Variants in GALNT15 observed in about 807,000 individuals in gnomAD.
GALNT15 encodes polypeptide N-acetylgalactosaminyltransferase 15, also known as UDP-GalNAc transferase T15.
A neutral mutation model predicts 66.8 loss-of-function variants in GALNT15; 67 were observed. That is an observed-to-expected ratio of 1.00 (90% confidence interval 0.82 to 1.23). The LOEUF (loss-of-function observed/expected upper bound fraction) is 1.23. Ranked by LOEUF, GALNT15 falls within the 50% of genes most tolerant of loss-of-function variation. The pLI is 0.00. For synonymous variants in GALNT15, 313 were observed against 311.5 expected (o/e 1.00, Z -0.05); for missense variants, 827 against 804.3 (o/e 1.03, Z -0.34).
Position 16,180,387 on chromosome 3 carries a change from T to A in GALNT15, c.539+4697T>A, listed in dbSNP as rs1224162904. Among the ~76,000 whole-genome samples the A allele has an allele frequency of 6.6e-6, 1 of 152,158 alleles. No homozygotes were observed. The highest frequency in any genetic ancestry group is 6.5e-5 in the Admixed American group (1 of 15,276). ...AGGTCAGGAGGGCAGCCTCAGATGC[T>A]CCATTTCTATCAAAGGCACTCCAAG... is the stretch of plus-strand genomic sequence containing the variant. On this transcript the variant is annotated intron_variant, in intron 1 of 9. Coordinates refer to ENST00000339732, the MANE Select transcript of GALNT15 (RefSeq NM_054110.5). This position sits in a 1 kb window ranked among gnomAD's most constrained non-coding sequence, Gnocchi z 5.0.
Position 16,211,105 on chromosome 3 carries a change from G to A in GALNT15, c.1080-19G>A, listed in dbSNP as rs767383661. The stretch of plus-strand genomic sequence containing the variant: ...TCTGGGTTCTGAACTGCAGTGTCCT[G>A]CCTGTCTTCTGTGTCCAGGAGCCCT... On this transcript the variant is annotated intron_variant, in intron 4 of 9. Transcript: ENST00000339732. This position sits in a 1 kb window ranked among gnomAD's most constrained non-coding sequence, Gnocchi z 4.3. 1 of 1,582,368 alleles carries A rather than the reference G, an allele frequency of 6.3e-7. No individual in the cohort carries two copies. The highest frequency in any genetic ancestry group is 8.7e-7 in the Non-Finnish European group (1 of 1,151,658).
chr3:16,241,635 G>A, the GALNT15 span, among the ~76,000 whole-genome samples: 1 of 151,964 alleles, frequency 6.6e-6, no homozygotes, highest in Non-Finnish European at 1.5e-5. This position sits in a 1 kb window ranked among gnomAD's most constrained non-coding sequence, Gnocchi z 4.6. Context: ...TGCAACCTCT[G>A]CCTCCTGGGT....
chr3:16,191,476 C>A lies in GALNT15; in HGVS notation c.540-4284C>A. ...CCTACGGCTACCTTTCTGAGGAAAC[C>A]AAGGCACCCAGAAGCTAAGCAACTT... is the stretch of plus-strand genomic sequence containing the variant. On this transcript the variant is annotated intron_variant, in intron 1 of 9. Coordinates refer to ENST00000339732, the MANE Select transcript of GALNT15 (RefSeq NM_054110.5). This position sits in a 1 kb window ranked among gnomAD's most constrained non-coding sequence, Gnocchi z 5.2. 3.2e-6 allele frequency: 1 copy of A among 312,972 alleles called. No individual in the cohort carries two copies. Among genetic ancestry groups the A allele is most frequent in the Non-Finnish European group, 4.6e-6 (1 of 215,076 alleles). The allele number at this position is 312,972 out of a possible 1,614,324, so 19.4% of individuals were successfully genotyped here.
At chr3:16,246,239 C>T in the GALNT15 span, among the ~76,000 whole-genome samples, 2 of 152,126 alleles carry the variant, frequency 1.3e-5, no homozygotes, top group African/African-American at 2.4e-5. Flanking sequence ...CACACTGGCC[C>T]ACAGCCCAGG....
At chr3:16,205,203 A>G (rs555225447) in intron 3 of GALNT15, among the ~76,000 whole-genome samples, 2 of 152,336 alleles carry the variant, frequency 1.3e-5, no homozygotes, top group African/African-American at 2.4e-5. Flanking sequence ...TGCTTCTAGT[A>G]TAAGAGACTT....
chr3:16,190,970 T>C (rs903709987), intron 1 of GALNT15, among the ~76,000 whole-genome samples: 3 of 152,240 alleles, frequency 2.0e-5, no homozygotes, highest in African/African-American at 7.2e-5. Flanking sequence ...GGATTCTTTC[T>C]GAGCTGATGC....
At chr3:16,234,335 C>G (rs960205321), downstream of GALNT15, among the ~76,000 whole-genome samples, 1 of 148,518 alleles carries the variant, frequency 6.7e-6, no homozygotes, top group South Asian at 2.1e-4. Context: ...TTTTTTTTTT[C>G]TTCCGCGAAA....
At chr3:16,247,032 A>G in the GALNT15 span, among the ~76,000 whole-genome samples, 1 of 152,100 alleles carries the variant, frequency 6.6e-6, no homozygotes, top group Admixed American at 6.5e-5. Flanking sequence ...ATTTGCACAG[A>G]GTAAATTTTG....
the GALNT15 span, among the ~76,000 whole-genome samples, chr3:16,247,845 C>T: frequency 6.6e-6 from 1 of 152,212 alleles, no homozygotes; most frequent in Admixed American, 6.5e-5. Flanking sequence ...AGGATCTAAC[C>T]TTGTGCTCAT....
At chr3:16,241,388 A>G in the GALNT15 span, among the ~76,000 whole-genome samples, 35 of 152,184 alleles carry the variant, frequency 2.3e-4, no homozygotes, top group African/African-American at 8.2e-4. The surrounding 1 kb of genome is among the most constrained non-coding windows in gnomAD (Gnocchi z 4.6). Context: ...GTCTTATTTG[A>G]GGTCAAATTT....
the GALNT15 span, among the ~76,000 whole-genome samples, chr3:16,244,532 C>T: frequency 2.6e-5 from 4 of 152,216 alleles, no homozygotes; most frequent in Non-Finnish European, 2.9e-5. Context: ...GGCATCCTAA[C>T]GCCATTGGGC....
downstream of GALNT15, among the ~76,000 whole-genome samples, chr3:16,232,434 T>TCTCATAGCCTGGC (rs2064090058): frequency 7.7e-6 from 1 of 129,188 alleles, no homozygotes; most frequent in Admixed American, 8.5e-5. Flanking sequence ...AATTAGCCAG[T>TCTCATAGCCTGGC]CTCATAGCCT....
In GALNT15 at chr3:16,195,883, C is replaced by T. The variant is rs775288181; in HGVS notation, c.663C>T (p.Ala221=). Residue 221 remains alanine (A), a synonymous_variant, in exon 2 of 10, where the codon GCC becomes GCT. Coordinates refer to ENST00000339732, the MANE Select transcript of GALNT15 (RefSeq NM_054110.5). This position sits in a 1 kb window ranked among gnomAD's most constrained non-coding sequence, Gnocchi z 4.6. Reference sequence around the variant, plus strand: ...GCATCCTCGACACAGTGCCCAGGGCCTTCCTGAAGGAGATCATCCTCGTGG... The same window carrying T: ...GCATCCTCGACACAGTGCCCAGGGCTTTCCTGAAGGAGATCATCCTCGTGG... ...VHSILDTVPR[A]FLKEIILVDD... The T allele has an allele frequency of 6.2e-7, 1 of 1,614,184 alleles. No individual in the cohort carries two copies. The highest frequency in any genetic ancestry group is 1.3e-5 in the African/African-American group (1 of 75,054).
At chr3:16,190,271 C>T (rs1202942686) in intron 1 of GALNT15, among the ~76,000 whole-genome samples, 1 of 152,218 alleles carries the variant, frequency 6.6e-6, no homozygotes, top group Non-Finnish European at 1.5e-5. Context: ...GTATCCCTCC[C>T]TTCCACTGTT....
chr3:16,196,939 T>C (rs1181230885), intron 2 of GALNT15, among the ~76,000 whole-genome samples: 1 of 152,194 alleles, frequency 6.6e-6, no homozygotes, highest in Non-Finnish European at 1.5e-5. Flanking sequence ...CTTTCTACGG[T>C]CCTCACTCCA....
the GALNT15 span, among the ~76,000 whole-genome samples, chr3:16,246,320 G>GTT: frequency 2.3e-5 from 3 of 128,894 alleles, no homozygotes. Flanking sequence ...TTTTGAAAGT[G>GTT]GTTTTTTTTT....
chr3:16,246,256 C>T, the GALNT15 span, among the ~76,000 whole-genome samples: 3 of 152,056 alleles, frequency 2.0e-5, no homozygotes, highest in Non-Finnish European at 2.9e-5. Context: ...CAGGGCCATC[C>T]TGAGGGAACT....
Position 16,195,866 on chromosome 3 carries a change from G to A in GALNT15, c.646G>A (p.Asp216Asn), listed in dbSNP as rs773344258. The A allele has an allele frequency of 3.3e-5, 53 of 1,614,002 alleles. No homozygotes were observed. In the South Asian group the frequency reaches 3.3e-4, roughly 10 times the overall value. The change falls in exon 2 of 10, where the codon GAC (aspartate) becomes AAC (asparagine). Residue 216 changes from aspartate (D) to asparagine (N), a missense_variant. Asp to Asn is a conservative substitution (Grantham distance 23, BLOSUM62 1). Transcript: ENST00000339732. This position sits in a 1 kb window ranked among gnomAD's most constrained non-coding sequence, Gnocchi z 4.6. ...CCTGCGGACTGTACACAGCATCCTC[G>A]ACACAGTGCCCAGGGCCTTCCTGAA... ...TLLRTVHSIL[D>N]TVPRAFLKEI...
At chr3:16,208,890 G>T (rs2063784872) in intron 4 of GALNT15, among the ~76,000 whole-genome samples, 2 of 152,194 alleles carry the variant, frequency 1.3e-5, no homozygotes, top group African/African-American at 4.8e-5. Flanking sequence ...TATGTGAAAA[G>T]CACTTAGAGA....
Sources: gnomAD v4.1 joint callset for allele counts (sites outside exome capture counted in the v4.1 genomes callset) on GRCh38, gnomAD v4.1.1 for gene constraint, Gnocchi (gnomAD v3.1) non-coding constraint, MANE v1.5 for transcripts, NCBI Gene and HGNC (gene_info 2026-07-23, HGNC 2026-07-21) for gene names.